The following PLEKHA2 variants were observed in gnomAD, a reference collection of about 807,000 sequenced individuals.
PLEKHA2 encodes the protein pleckstrin homology domain-containing family A member 2.
PLEKHA2 carries 28 observed loss-of-function variants against 53.2 expected under a neutral mutation model. The observed-to-expected ratio is 0.53, with a 90% CI of 0.39 to 0.72. The LOEUF (loss-of-function observed/expected upper bound fraction) is 0.72. Among genes scored for constraint, PLEKHA2 ranks in the 30% least tolerant of loss-of-function variants. The pLI is 0.00. For missense variants in PLEKHA2, 426 were observed against 537.9 expected, an observed-to-expected ratio of 0.79 and a Z score of 2.06; for synonymous variants, 193 against 196.4, an observed-to-expected ratio of 0.98 and a Z score of 0.14.
intron 10 of PLEKHA2, among the ~76,000 whole-genome samples, chr8:38,959,996 T>C (rs1835013799): frequency 6.6e-6 from 1 of 152,132 alleles, no homozygotes; most frequent in South Asian, 2.1e-4. Flanking sequence ...TAAATAAATA[T>C]TTGCTAAGGG....
chr8:38,942,827 A>T (rs1439330181), intron 3 of PLEKHA2, among the ~76,000 whole-genome samples: 1 of 152,184 alleles, frequency 6.6e-6, no homozygotes, highest in Non-Finnish European at 1.5e-5. Flanking sequence ...GCAAGATGAA[A>T]TACAGCAACA....
At chr8:38,912,159 G>T (rs1470742019) in intron 1 of PLEKHA2, among the ~76,000 whole-genome samples, 1 of 152,080 alleles carries the variant, frequency 6.6e-6, no homozygotes, top group Non-Finnish European at 1.5e-5. Flanking sequence ...AAATTAGCCG[G>T]ATGTGGTGGC....
At chr8:38,926,970 G>C (rs925722904) in intron 2 of PLEKHA2, among the ~76,000 whole-genome samples, 1 of 152,144 alleles carries the variant, frequency 6.6e-6, no homozygotes, top group African/African-American at 2.4e-5. Flanking sequence ...CACATTGAAA[G>C]AATTGTGTTA....
In PLEKHA2 at chr8:38,915,852, G is replaced by A. The variant is rs574220935; in HGVS notation, c.-23-2055G>A. On this transcript the variant is annotated intron_variant, in intron 1 of 11. Coordinates refer to ENST00000617275, the MANE Select transcript of PLEKHA2 (RefSeq NM_021623.2). ...AATTTTTTATGTTTAATTTTTGTGC[G>A]TACGTAGTAGGTGTATATATTTATG... 1.6e-3 allele frequency among the ~76,000 whole-genome samples: 240 copies of A among 152,258 alleles called. 2 individuals carry two copies. Among genetic ancestry groups the A allele is most frequent in the African/African-American group, 5.2e-3 (217 of 41,544 alleles).
At chr8:38,951,109 G>A in intron 6 of PLEKHA2, 119 bp downstream of exon 6, 1 of 839,692 alleles carries the variant, frequency 1.2e-6, no homozygotes, top group Non-Finnish European at 1.7e-6. Context: ...GGGGCAGCTG[G>A]TGCCAGTGGA....
At chr8:38,908,495 T>C (rs956580190) in intron 1 of PLEKHA2, among the ~76,000 whole-genome samples, 1 of 152,264 alleles carries the variant, frequency 6.6e-6, no homozygotes, top group East Asian at 1.9e-4. Context: ...TCAAAACTTA[T>C]ACACTTGGGT....
chr8:38,902,189 T>A (rs1450243811), intron 1 of PLEKHA2: 2 of 131,274 alleles, frequency 1.5e-5, no homozygotes, highest in African/African-American at 5.7e-5. Context: ...TTCACCAAAA[T>A]TTTTTTAAAA....
intron 4 of PLEKHA2, among the ~76,000 whole-genome samples, chr8:38,944,390 A>G (rs1431038651): frequency 6.6e-6 from 1 of 151,894 alleles, no homozygotes; most frequent in African/African-American, 2.4e-5. Flanking sequence ...GGTGGTGAGT[A>G]CCTGTAATTC....
At position 38,950,830 on chromosome 8, in the gene PLEKHA2, G is replaced by T. The variant is rs1204577333; in HGVS notation, c.346-20G>T. The T allele has an allele frequency of 6.2e-7, 1 of 1,607,682 alleles. No individual in the cohort carries two copies. The highest frequency in any genetic ancestry group is 1.7e-5 in the Admixed American group (1 of 59,424). On this transcript the variant is annotated intron_variant, in intron 5 of 11. Transcript: ENST00000617275. The stretch of plus-strand genomic sequence containing the variant: ...CTAAATGTTCTGTTCCCCATTGATT[G>T]TTGCTGCCGCTCACCCCAGGTTCCC...
At chr8:38,915,591 C>T (rs1460423212) in intron 1 of PLEKHA2, among the ~76,000 whole-genome samples, 2 of 152,176 alleles carry the variant, frequency 1.3e-5, no homozygotes, top group African/African-American at 2.4e-5. Context: ...CTTTAAAGAC[C>T]CTGTCTCCAA....
intron 9 of PLEKHA2, among the ~76,000 whole-genome samples, chr8:38,956,400 G>A (rs1232105643): frequency 2.6e-5 from 4 of 152,208 alleles, no homozygotes; most frequent in African/African-American, 9.7e-5. Context: ...GAGGCAAGGA[G>A]CAGGAGCTGA....
At chr8:38,924,616 T>C (rs1834252406) in intron 2 of PLEKHA2, among the ~76,000 whole-genome samples, 1 of 152,128 alleles carries the variant, frequency 6.6e-6, no homozygotes, top group Non-Finnish European at 1.5e-5. Context: ...TCTGCACATG[T>C]GGGCAGAATG....
rs1157366367 is a variant in PLEKHA2 at position 38,922,130 on chromosome 8, C to T, written c.141+4060C>T. 6.6e-6 allele frequency among the ~76,000 whole-genome samples: 1 copy of T among 152,178 alleles called. No individual in the cohort carries two copies. ...AGCACAGCTGGGACTCTAACCCCGG[C>T]AGTCTAACTCTAGTGCCCCTGCCAT... On this transcript the variant is annotated intron_variant, in intron 2 of 11. Coordinates refer to ENST00000617275, the MANE Select transcript of PLEKHA2 (RefSeq NM_021623.2). The surrounding 1 kb of genome is among the most constrained non-coding windows in gnomAD (Gnocchi z 4.0).
chr8:38,952,781 G>A (rs1348663107), intron 8 of PLEKHA2, 77 bp downstream of exon 8: 18 of 1,423,598 alleles, frequency 1.3e-5, no homozygotes, highest in East Asian at 2.3e-5. Context: ...ACAGGAGAGC[G>A]TGCATGAGTG....
rs1390787719 is a variant in PLEKHA2, at chr8:38,922,537, G to A, written c.141+4467G>A. On this transcript the variant is annotated intron_variant, in intron 2 of 11. Coordinates refer to ENST00000617275, the MANE Select transcript of PLEKHA2 (RefSeq NM_021623.2). This position sits in a 1 kb window ranked among gnomAD's most constrained non-coding sequence, Gnocchi z 4.0. Reference sequence around the variant, plus strand: ...TATGAAAAGAGGCATTGAGAACTGTGTGTGGTCGTTGAACATCTTTATTTG... The same window carrying A: ...TATGAAAAGAGGCATTGAGAACTGTATGTGGTCGTTGAACATCTTTATTTG... Among the ~76,000 whole-genome samples, 1 of 152,212 alleles carries A rather than the reference G, an allele frequency of 6.6e-6. No homozygotes were observed. Among genetic ancestry groups the A allele is most frequent in the African/African-American group, 2.4e-5 (1 of 41,448 alleles).
In PLEKHA2 at chr8:38,969,394, G is replaced by A. The variant is rs191945784; in HGVS notation, c.916-27G>A. 17 of 1,595,112 alleles carry A rather than the reference G, an allele frequency of 1.1e-5. 1 individual carries two copies. In the African/African-American group the frequency reaches 2.3e-4, roughly 22 times the overall value. ...GTCTGAAAAGCCCTAACTTTCTTTT[G>A]TCTTTTTCTTCCTTTTATTTTTATA... On this transcript the variant is annotated intron_variant, in intron 11 of 11. Coordinates refer to ENST00000617275, the MANE Select transcript of PLEKHA2 (RefSeq NM_021623.2).
At chr8:38,955,253 G>A (rs1834918276) in intron 9 of PLEKHA2, among the ~76,000 whole-genome samples, 2 of 152,092 alleles carry the variant, frequency 1.3e-5, no homozygotes. Context: ...AAGGAGTGGG[G>A]ATTTCCCACC....
At chr8:38,965,529 A>G (rs1277320168) in intron 10 of PLEKHA2, among the ~76,000 whole-genome samples, 1 of 152,136 alleles carries the variant, frequency 6.6e-6, no homozygotes, top group African/African-American at 2.4e-5. Flanking sequence ...CTACCAAATC[A>G]TCTTTTGTTC....
intron 2 of PLEKHA2, among the ~76,000 whole-genome samples, chr8:38,928,684 G>A (rs902112955): frequency 5.3e-5 from 8 of 152,078 alleles, no homozygotes; most frequent in South Asian, 2.1e-4. Flanking sequence ...ACAAGAAATC[G>A]ACATCCAAGT....
Sources: allele counts gnomAD v4.1 joint callset (sites outside exome capture counted in the v4.1 genomes callset), GRCh38; gene constraint gnomAD v4.1.1; non-coding constraint Gnocchi (gnomAD v3.1); transcripts MANE v1.5; gene names NCBI Gene and HGNC (gene_info 2026-07-23, HGNC 2026-07-21).